LYRM9: variants seen among roughly 807,000 people sequenced by gnomAD.
The protein encoded by LYRM9 is LYR motif-containing protein 9.
Under a neutral mutation model 12.6 loss-of-function variants are expected in LYRM9, and 14 were observed. That is an observed-to-expected ratio of 1.11 (90% CI 0.73 to 1.73). LYRM9 has a LOEUF of 1.73. Ranked by LOEUF, LYRM9 falls within the 40% of genes most tolerant of loss-of-function variation. The pLI is 0.00. For synonymous variants in LYRM9, 42 were observed against 35.1 expected (o/e 1.20, Z -0.69); for missense variants, 94 against 95.0 (o/e 0.99, Z 0.04).
At chr17:27,890,917 CA>C (rs1421566563) in intron 1 of LYRM9, among the ~76,000 whole-genome samples, 1 of 151,800 alleles carries the variant, frequency 6.6e-6, no homozygotes, top group Non-Finnish European at 1.5e-5. Context: ...AATGGGGCAG[CA>C]ATCCCTGCCT....
At chr17:27,880,222 A>G in intron 3 of LYRM9, 52 bp downstream of exon 3, 1 of 1,405,626 alleles carries the variant, frequency 7.1e-7, no homozygotes, top group South Asian at 1.2e-5. Flanking sequence ...CATGGGGATC[A>G]CAGCCATCAT....
chr17:27,881,402 G>A (rs997092608), intron 2 of LYRM9, among the ~76,000 whole-genome samples: 10 of 148,050 alleles, frequency 6.8e-5, no homozygotes, highest in Admixed American at 2.7e-4. Context: ...CGTTCTCCAT[G>A]TTTCCACAGC....
At chr17:27,889,161 G>A (rs1905336646) in intron 1 of LYRM9, among the ~76,000 whole-genome samples, 1 of 152,110 alleles carries the variant, frequency 6.6e-6, no homozygotes, top group Non-Finnish European at 1.5e-5. Context: ...GCCATGCTCT[G>A]ACCAACTCCA....
At position 27,879,567 on chromosome 17, in the gene LYRM9, C is replaced by T. The variant is rs559623906; in HGVS notation, c.220-77G>A. 4.1e-4 allele frequency: 621 copies of T among 1,499,698 alleles called. 12 individuals carry two copies. The South Asian group carries it at 7.2e-3, about 17-fold the overall frequency. The allele number at this position is 1,499,698 out of a possible 1,614,324, so 92.9% of individuals were successfully genotyped here. ...GGACTCTGGAGAAATCTCAGGCCTC[C>T]ATCATCTGGACCTCACCTGCCTCCT... is the stretch of plus-strand genomic sequence containing the variant. On this transcript the variant is annotated intron_variant, in intron 3 of 3. Coordinates refer to ENST00000379102, the MANE Select transcript of LYRM9 (RefSeq NM_001076680.3).
At chr17:27,884,451 T>C (rs961994179) in intron 1 of LYRM9, among the ~76,000 whole-genome samples, 4 of 152,224 alleles carry the variant, frequency 2.6e-5, no homozygotes, top group African/African-American at 9.6e-5. Context: ...ATGTGGCGCC[T>C]TTCAGTGCAC....
Position 27,879,227 on chromosome 17 carries a change from A to G in LYRM9, c.*246T>C. 2.2e-6 allele frequency: 1 copy of G among 445,036 alleles called. No homozygotes were observed. Among genetic ancestry groups the G allele is most frequent in the Non-Finnish European group, 4.0e-6 (1 of 251,898 alleles). 27.6% of individuals were successfully genotyped at this position (445,036 alleles called of 1,614,324 possible). A position where few individuals can be genotyped will look rare whatever the true frequency, so the allele number is the denominator to read the frequency against. The stretch of plus-strand genomic sequence containing the variant: ...AAAACACAAAAATAAAAAACACACA[A>G]AAGAAGCAAAAAAATACTACATTCT... On this transcript the variant is annotated 3_prime_UTR_variant, in exon 4 of 4. Coordinates refer to ENST00000379102, the MANE Select transcript of LYRM9 (RefSeq NM_001076680.3).
chr17:27,882,691 C>A lies in LYRM9; in HGVS notation c.4G>T (p.Ala2Ser). 6.2e-7 allele frequency: 1 copy of A among 1,600,236 alleles called. No homozygotes were observed. Among genetic ancestry groups the A allele is most frequent in the Non-Finnish European group, 8.5e-7 (1 of 1,173,424 alleles). ...ACCAGTTCTGCTCCTGGCAGCGGGG[C>A]CATCCGTGAGACCCTCTGTCCCTGG... M[A>S]PLPGAELVRR... The change falls in exon 2 of 4, where the codon GCC becomes TCC. Residue 2 changes from alanine to serine, a missense_variant. Ala to Ser is a moderately conservative substitution (Grantham distance 99). Transcript: ENST00000379102.
At chr17:27,889,943 A>G (rs1486657070) in intron 1 of LYRM9, among the ~76,000 whole-genome samples, 1 of 152,116 alleles carries the variant, frequency 6.6e-6, no homozygotes, top group Non-Finnish European at 1.5e-5. Flanking sequence ...CATCCAGGGA[A>G]TGAGTAGGAC....
Position 27,879,144 on chromosome 17 carries a change from GA to G in LYRM9, c.*328del, listed in dbSNP as rs1904948758. On this transcript the variant is annotated 3_prime_UTR_variant, in exon 4 of 4. Transcript: ENST00000379102. ...GGGGACATCTGCTCTGGGACTCAGAGAATGATAAAGAGATCTCCAGAATAAA... is the reference window on the plus strand; with the variant it reads ...GGGGACATCTGCTCTGGGACTCAGAGATGATAAAGAGATCTCCAGAATAAA... The G allele has an allele frequency of 3.8e-6, 1 of 264,790 alleles. No individual in the cohort carries two copies. The highest frequency in any genetic ancestry group is 7.2e-6 in the Non-Finnish European group (1 of 138,186). The allele number at this position is 264,790 out of a possible 1,614,324, so 16.4% of individuals were successfully genotyped here.
At position 27,878,520 on chromosome 17, in the gene LYRM9, C is replaced by T. The variant is rs1408119717; in HGVS notation, c.*953G>A. 2 of 152,270 alleles carry T rather than the reference C, an allele frequency of 1.3e-5. No homozygotes were observed. Among genetic ancestry groups the T allele is most frequent in the Admixed American group, 1.3e-4 (2 of 15,280 alleles). The allele number at this position is 152,270 out of a possible 1,614,324, so 9.4% of individuals were successfully genotyped here. On this transcript the variant is annotated 3_prime_UTR_variant, in exon 4 of 4. Transcript: ENST00000379102. The stretch of plus-strand genomic sequence containing the variant: ...GAATACTCAGATCCCAGTGGGGCTT[C>T]TCTCTGCATCTTCTGGCCACTCTGG...
chr17:27,889,686 G>C (rs1905362469), intron 1 of LYRM9, among the ~76,000 whole-genome samples: 1 of 152,040 alleles, frequency 6.6e-6, no homozygotes, highest in Non-Finnish European at 1.5e-5. Context: ...ATCCTTAGGG[G>C]GGTCTGTTAT....
chr17:27,879,340 G>T lies in LYRM9; in HGVS notation c.*133C>A. On this transcript the variant is annotated 3_prime_UTR_variant, in exon 4 of 4. Transcript: ENST00000379102. ...GCGGCAAGAGGAGCCTCTGGAGCAA[G>T]GTCAGCTTCTCCCCTGATTTCTGGC... The T allele has an allele frequency of 5.3e-6, 5 of 950,848 alleles. No homozygotes were observed. The highest frequency in any genetic ancestry group is 7.5e-6 in the Non-Finnish European group (5 of 669,772). 58.9% of individuals were successfully genotyped at this position (950,848 alleles called of 1,614,324 possible). A position where few individuals can be genotyped will look rare whatever the true frequency, so the allele number is the denominator to read the frequency against.
At position 27,880,258 on chromosome 17, in the gene LYRM9, G is replaced by C. The variant is rs561448562; in HGVS notation, c.219+16C>G. On this transcript the variant is annotated intron_variant, in intron 3 of 3. Coordinates refer to ENST00000379102, the MANE Select transcript of LYRM9 (RefSeq NM_001076680.3). The stretch of plus-strand genomic sequence containing the variant: ...CACCCCAGCTCGCAGGCAGAGCCCA[G>C]GGGCCAAGCACCTACTTTGTTCATG... 6.3e-7 allele frequency: 1 copy of C among 1,592,134 alleles called. No homozygotes were observed. Among genetic ancestry groups the C allele is most frequent in the South Asian group, 1.1e-5 (1 of 88,106 alleles).
chr17:27,888,612 G>C (rs1298899024), intron 1 of LYRM9, among the ~76,000 whole-genome samples: 2 of 152,210 alleles, frequency 1.3e-5, no homozygotes, highest in African/African-American at 4.8e-5. Context: ...TTCAGCAAAA[G>C]ACAGCACAGA....
intron 1 of LYRM9, among the ~76,000 whole-genome samples, chr17:27,883,467 C>G (rs369255584): frequency 6.6e-6 from 1 of 152,014 alleles, no homozygotes; most frequent in South Asian, 2.1e-4. Context: ...ATGGCCAACA[C>G]GGTGAAACCC....
In LYRM9 at chr17:27,886,068, A is replaced by G. The variant is rs1237641956; in HGVS notation, c.-18-3356T>C. Among the ~76,000 whole-genome samples, 1 of 152,168 alleles carries G rather than the reference A, an allele frequency of 6.6e-6. No homozygotes were observed. Among genetic ancestry groups the G allele is most frequent in the East Asian group, 1.9e-4 (1 of 5,204 alleles). ...GAGCAACCACAGGAGACATACCACC[A>G]AAGTCCCAAACCTGATGGGTAGACT... On this transcript the variant is annotated intron_variant, in intron 1 of 3. Coordinates refer to ENST00000379102, the MANE Select transcript of LYRM9 (RefSeq NM_001076680.3). This position sits in a 1 kb window ranked among gnomAD's most constrained non-coding sequence, Gnocchi z 4.8.
In LYRM9 at chr17:27,886,456, C is replaced by T. The variant is rs1462431903; in HGVS notation, c.-18-3744G>A. Among the ~76,000 whole-genome samples, 1 of 152,158 alleles carries T rather than the reference C, an allele frequency of 6.6e-6. No homozygotes were observed. Among genetic ancestry groups the T allele is most frequent in the Non-Finnish European group, 1.5e-5 (1 of 68,038 alleles). On this transcript the variant is annotated intron_variant, in intron 1 of 3. Transcript: ENST00000379102. This position sits in a 1 kb window ranked among gnomAD's most constrained non-coding sequence, Gnocchi z 4.8. ...ATCATTGCTAAAACTGCAGTCAATG[C>T]CTCTGGGCCTGGCAACACTTGCCTC...
chr17:27,879,555 AT>A, intron 3 of LYRM9, 65 bp from the exon 4 acceptor site: 3 of 1,524,886 alleles, frequency 2.0e-6, no homozygotes, highest in Non-Finnish European at 2.7e-6. Context: ...CTCTGGAGAA[AT>A]CTCAGGCCTC....
At chr17:27,882,740 G>A in intron 1 of LYRM9, 28 bp from the exon 2 acceptor site, 2 of 1,548,728 alleles carry the variant, frequency 1.3e-6, no homozygotes, top group Non-Finnish European at 1.7e-6. Context: ...TCACTTCCAG[G>A]GCATCAAGCC....
Sources: gnomAD v4.1 joint callset for allele counts (sites outside exome capture counted in the v4.1 genomes callset) on GRCh38, gnomAD v4.1.1 for gene constraint, Gnocchi (gnomAD v3.1) non-coding constraint, MANE v1.5 for transcripts, NCBI Gene and HGNC (gene_info 2026-07-23, HGNC 2026-07-21) for gene names.